Variants in CSMD1 observed in about 807,000 individuals in gnomAD.
CSMD1 encodes CUB and sushi domain-containing protein 1.
CSMD1 carries 213 observed loss-of-function variants against 417.5 expected under a neutral mutation model. The observed-to-expected ratio is 0.51, with a 90% CI of 0.46 to 0.57. The LOEUF is 0.57. Ranked by LOEUF, CSMD1 falls within the 20% of genes least tolerant of loss-of-function variation. The pLI is 0.00. For synonymous variants in CSMD1, 2,862 were observed against 1,736.8 expected (o/e 1.65, Z -16.11); for missense variants, 6,923 against 4,529.7 (o/e 1.53, Z -15.17).
intron 12 of CSMD1, among the ~76,000 whole-genome samples, chr8:3,460,473 A>T (rs1167742205): frequency 2.6e-5 from 4 of 152,194 alleles, no homozygotes; most frequent in South Asian, 2.1e-4. Flanking sequence ...TCATTTTTTT[A>T]AAAAAGATAA....
intron 5 of CSMD1, among the ~76,000 whole-genome samples, chr8:3,844,309 T>C (rs182278718): frequency 6.6e-6 from 1 of 152,038 alleles, no homozygotes; most frequent in Non-Finnish European, 1.5e-5. Flanking sequence ...ATAACAGCAT[T>C]GGTGGATCAA....
At chr8:3,940,979 GTTT>G (rs1478943334) in intron 5 of CSMD1, among the ~76,000 whole-genome samples, 2 of 150,208 alleles carry the variant, frequency 1.3e-5, no homozygotes, top group South Asian at 2.1e-4. Context: ...CTTTTCTACT[GTTT>G]TTATTTTTTG....
At chr8:3,189,125 T>C in intron 34 of CSMD1, 114 bp from the exon 35 acceptor site, 1 of 963,486 alleles carries the variant, frequency 1.0e-6, no homozygotes, top group Non-Finnish European at 1.5e-6. Flanking sequence ...ACATGAACAA[T>C]GATACGTTAA....
chr8:4,042,529 T>A (rs1170454645), intron 3 of CSMD1, among the ~76,000 whole-genome samples: 1 of 151,986 alleles, frequency 6.6e-6, no homozygotes, highest in African/African-American at 2.4e-5. Context: ...AGCAGGCCCA[T>A]ACCACAAGGA....
intron 3 of CSMD1, among the ~76,000 whole-genome samples, chr8:4,395,180 C>T (rs1804116657): frequency 6.6e-6 from 1 of 152,194 alleles, no homozygotes; most frequent in East Asian, 1.9e-4. Flanking sequence ...AACCCCTCCT[C>T]TTTTAGCCAG....
intron 1 of CSMD1, chr8:4,788,359 G>C: frequency 2.0e-6 from 3 of 1,488,478 alleles, no homozygotes; most frequent in Non-Finnish European, 2.8e-6. Context: ...GTTATCACCT[G>C]TCCTCCCCTC....
At chr8:3,106,251 G>T (rs1010566360) in intron 46 of CSMD1, among the ~76,000 whole-genome samples, 33 of 149,230 alleles carry the variant, frequency 2.2e-4, no homozygotes, top group African/African-American at 7.8e-4. Flanking sequence ...CCAAAAATTA[G>T]CCAGGCATGG....
At chr8:4,274,160 T>C (rs1161050304) in intron 3 of CSMD1, among the ~76,000 whole-genome samples, 1 of 152,164 alleles carries the variant, frequency 6.6e-6, no homozygotes, top group African/African-American at 2.4e-5. Flanking sequence ...CTAATGTATT[T>C]TTTTGCAAAG....
At chr8:4,527,260 T>C (rs1055741467) in intron 2 of CSMD1, among the ~76,000 whole-genome samples, 1 of 152,054 alleles carries the variant, frequency 6.6e-6, no homozygotes, top group Non-Finnish European at 1.5e-5. Flanking sequence ...ATTAGGAGTC[T>C]TTTTTGTAGC....
intron 1 of CSMD1, among the ~76,000 whole-genome samples, chr8:4,897,869 G>C (rs1009447952): frequency 6.6e-6 from 1 of 152,106 alleles, no homozygotes; most frequent in Non-Finnish European, 1.5e-5. Flanking sequence ...AGATTTTGTA[G>C]TCTCTACATT....
At chr8:4,450,225 G>C (rs1384848321) in intron 2 of CSMD1, among the ~76,000 whole-genome samples, 1 of 152,198 alleles carries the variant, frequency 6.6e-6, no homozygotes, top group Non-Finnish European at 1.5e-5. Flanking sequence ...ATGTGAGGGA[G>C]ACTAAGATGA....
At chr8:3,544,904 C>G (rs1328757642) in intron 10 of CSMD1, among the ~76,000 whole-genome samples, 3 of 152,118 alleles carry the variant, frequency 2.0e-5, no homozygotes, top group African/African-American at 4.8e-5. Context: ...TGAATTAATA[C>G]CAACTTAATG....
chr8:4,819,757 C>T (rs1469246544), intron 1 of CSMD1, among the ~76,000 whole-genome samples: 4 of 151,982 alleles, frequency 2.6e-5, no homozygotes, highest in Admixed American at 2.6e-4. Context: ...AGAGAGGGAC[C>T]TGGCTGCTTT....
chr8:4,903,473 A>G (rs144466999), intron 1 of CSMD1, among the ~76,000 whole-genome samples: 1 of 152,058 alleles, frequency 6.6e-6, no homozygotes, highest in East Asian at 1.9e-4. Flanking sequence ...AATTGTACAA[A>G]TGTATATCGT....
At chr8:4,591,155 G>A (rs887993882) in intron 2 of CSMD1, among the ~76,000 whole-genome samples, 1 of 152,210 alleles carries the variant, frequency 6.6e-6, no homozygotes, top group Non-Finnish European at 1.5e-5. Flanking sequence ...TCAGTTGTGT[G>A]TTGAGTGCTT....
chr8:4,047,166 C>T (rs1306532684), intron 3 of CSMD1, among the ~76,000 whole-genome samples: 1 of 152,186 alleles, frequency 6.6e-6, no homozygotes, highest in African/African-American at 2.4e-5. Context: ...TGAGCCTGAC[C>T]TATCTGACCT....
intron 7 of CSMD1, among the ~76,000 whole-genome samples, chr8:3,657,009 T>C (rs1477132005): frequency 6.6e-6 from 1 of 152,052 alleles, no homozygotes; most frequent in Admixed American, 6.5e-5. Context: ...GACCCACTCA[T>C]GGCCAATGAG....
intron 2 of CSMD1, among the ~76,000 whole-genome samples, chr8:4,547,367 T>C (rs1797684050): frequency 6.6e-6 from 1 of 152,218 alleles, no homozygotes; most frequent in Non-Finnish European, 1.5e-5. Flanking sequence ...AAAACACGTA[T>C]CTGAAAATAT....
rs562842717 is a variant in CSMD1 at position 4,554,471 on chromosome 8, G to A, written c.302+82871C>T. Among the ~76,000 whole-genome samples, 11 of 152,232 alleles carry A rather than the reference G, an allele frequency of 7.2e-5. No homozygotes were observed. In the South Asian group the frequency reaches 1.0e-3, roughly 14 times the overall value. On this transcript the variant is annotated intron_variant, in intron 2 of 69. Coordinates refer to ENST00000635120, the MANE Select transcript of CSMD1 (RefSeq NM_033225.6). The stretch of plus-strand genomic sequence containing the variant: ...CACTTTTTAACATTAGAATGTTCAC[G>A]TAATAATTTGAGAATCTGGAACAAA...
Sources: allele counts gnomAD v4.1 joint callset (sites outside exome capture counted in the v4.1 genomes callset), GRCh38; gene constraint gnomAD v4.1.1; transcripts MANE v1.5; gene names NCBI Gene and HGNC (gene_info 2026-07-23, HGNC 2026-07-21).